Variants in STXBP5 observed in about 807,000 individuals in gnomAD.
The protein encoded by STXBP5 is syntaxin-binding protein 5.
In STXBP5, 50 loss-of-function variants were observed where a neutral mutation model predicts 152.4. The ratio of observed to expected loss-of-function variants is 0.33; its 90% CI spans 0.26 to 0.42. STXBP5 has a LOEUF of 0.42. Among genes scored for constraint, STXBP5 ranks in the 10% least tolerant of loss-of-function variants. STXBP5 has a pLI of 1.00. For synonymous variants in STXBP5, 492 were observed against 494.7 expected, an observed-to-expected ratio of 0.99 and a Z score of 0.07; for missense variants, 1,167 against 1,388.6, an observed-to-expected ratio of 0.84 and a Z score of 2.54.
At chr6:147,241,889 T>A (rs1040823913) in intron 4 of STXBP5, among the ~76,000 whole-genome samples, 1 of 152,188 alleles carries the variant, frequency 6.6e-6, no homozygotes, top group African/African-American at 2.4e-5. Flanking sequence ...ACATAATATT[T>A]GATAATGATA....
intron 6 of STXBP5, among the ~76,000 whole-genome samples, chr6:147,264,705 G>T (rs776806073): frequency 5.9e-5 from 9 of 152,076 alleles, no homozygotes; most frequent in Admixed American, 5.2e-4. Context: ...GGTTATAAAA[G>T]ATTCTAGTAG....
Position 147,204,735 on chromosome 6 carries a change from T to G in STXBP5, c.150+53T>G, listed in dbSNP as rs1263620675. ...CCGTCATTGAAAAATTGGGGTTGTT[T>G]TAAGGGGGCTACTCGGGCTTTACAT... On this transcript the variant is annotated intron_variant, in intron 1 of 27. Transcript: ENST00000321680. This position sits in a 1 kb window ranked among gnomAD's most constrained non-coding sequence, Gnocchi z 4.3. The G allele has an allele frequency of 1.3e-6, 2 of 1,504,162 alleles. No individual in the cohort carries two copies. Among genetic ancestry groups the G allele is most frequent in the Non-Finnish European group, 1.8e-6 (2 of 1,122,588 alleles). The allele number at this position is 1,504,162 out of a possible 1,614,324, so 93.2% of individuals were successfully genotyped here. A position where few individuals can be genotyped will look rare whatever the true frequency, so the allele number is the denominator to read the frequency against.
At chr6:147,272,815 G>A (rs1780241359) in intron 7 of STXBP5, among the ~76,000 whole-genome samples, 1 of 152,130 alleles carries the variant, frequency 6.6e-6, no homozygotes. Flanking sequence ...ATGGGTAGGA[G>A]TAATGGGAAC....
At chr6:147,268,905 G>A (rs1181289568) in intron 7 of STXBP5, among the ~76,000 whole-genome samples, 1 of 152,164 alleles carries the variant, frequency 6.6e-6, no homozygotes, top group Non-Finnish European at 1.5e-5. Context: ...ATGGCCTGAA[G>A]AGATTTTCCA....
intron 7 of STXBP5, among the ~76,000 whole-genome samples, chr6:147,272,795 G>C (rs1004173599): frequency 5.9e-5 from 9 of 151,960 alleles, no homozygotes; most frequent in African/African-American, 2.2e-4. Flanking sequence ...ATCTCTTGAG[G>C]GTGATTCAGA....
chr6:147,277,068 TGAG>T (rs1318500966), intron 7 of STXBP5, among the ~76,000 whole-genome samples: 2 of 152,118 alleles, frequency 1.3e-5, no homozygotes, highest in Admixed American at 1.3e-4. Context: ...CATCGTAAAT[TGAG>T]GAGCATCTGT....
intron 26 of STXBP5, among the ~76,000 whole-genome samples, chr6:147,380,688 T>C (rs1187745919): frequency 6.6e-6 from 1 of 152,034 alleles, no homozygotes; most frequent in Non-Finnish European, 1.5e-5. Context: ...TTTAAAACAT[T>C]GTGCTTCAAA....
intron 23 of STXBP5, among the ~76,000 whole-genome samples, chr6:147,361,688 C>T (rs1785074389): frequency 6.6e-6 from 1 of 152,054 alleles, no homozygotes; most frequent in Non-Finnish European, 1.5e-5. Context: ...ATACATTTAA[C>T]GGTTATTTTA....
rs189431575 is a variant in STXBP5, at chr6:147,307,342, A to G, written c.918-2742A>G. ...TAATCAAGTAAAAACTATTATCTCT[A>G]GACCTTATGACATCAAAAGACTTAC... On this transcript the variant is annotated intron_variant, in intron 9 of 27. Coordinates refer to ENST00000321680, the MANE Select transcript of STXBP5 (RefSeq NM_001127715.4). 4.3e-4 allele frequency among the ~76,000 whole-genome samples: 66 copies of G among 152,344 alleles called. 2 individuals are homozygous for G. The South Asian group carries it at 9.5e-3, about 22-fold the overall frequency.
chr6:147,243,586 T>C (rs1443540713), intron 4 of STXBP5, among the ~76,000 whole-genome samples: 1 of 152,138 alleles, frequency 6.6e-6, no homozygotes, highest in African/African-American at 2.4e-5. Flanking sequence ...TAATTAAGTT[T>C]AGCTTATTAA....
chr6:147,335,570 G>A (rs553713226), intron 19 of STXBP5, among the ~76,000 whole-genome samples: 2 of 152,286 alleles, frequency 1.3e-5, no homozygotes, highest in African/African-American at 2.4e-5. Flanking sequence ...CTTTCAAAAA[G>A]TGGATACATC....
At chr6:147,340,673 T>A (rs1784049090) in intron 21 of STXBP5, among the ~76,000 whole-genome samples, 1 of 152,120 alleles carries the variant, frequency 6.6e-6, no homozygotes, top group African/African-American at 2.4e-5. Context: ...AAAGGGACTT[T>A]GTACATAATT....
intron 11 of STXBP5, among the ~76,000 whole-genome samples, chr6:147,312,704 G>T (rs1782446491): frequency 6.6e-6 from 1 of 152,032 alleles, no homozygotes; most frequent in Non-Finnish European, 1.5e-5. Flanking sequence ...CTGATGTTTA[G>T]GCAATTCTAA....
At chr6:147,312,872 G>A (rs1311948522) in intron 11 of STXBP5, among the ~76,000 whole-genome samples, 1 of 151,842 alleles carries the variant, frequency 6.6e-6, no homozygotes, top group African/African-American at 2.4e-5. Context: ...AAATAATTGA[G>A]ACTTTTCACA....
chr6:147,207,029 A>T (rs1190643801), intron 2 of STXBP5, among the ~76,000 whole-genome samples: 1 of 152,006 alleles, frequency 6.6e-6, no homozygotes, highest in Non-Finnish European at 1.5e-5. Flanking sequence ...ATTTCAGTAG[A>T]CATTACTATT....
chr6:147,290,994 G>T, intron 8 of STXBP5, 100 bp from the exon 9 acceptor site: 2 of 832,240 alleles, frequency 2.4e-6, no homozygotes, highest in Non-Finnish European at 3.6e-6. Context: ...ATGTTTCATG[G>T]TGGATTTCAT....
intron 25 of STXBP5, among the ~76,000 whole-genome samples, chr6:147,370,476 A>G (rs1340776771): frequency 6.6e-6 from 1 of 152,134 alleles, no homozygotes; most frequent in Non-Finnish European, 1.5e-5. Flanking sequence ...CAATTAGTCA[A>G]TGGTATGTTT....
intron 25 of STXBP5, among the ~76,000 whole-genome samples, chr6:147,366,703 C>A (rs1785306090): frequency 6.6e-6 from 1 of 152,196 alleles, no homozygotes; most frequent in Non-Finnish European, 1.5e-5. Flanking sequence ...GAGCAAGATA[C>A]TTAATCACAT....
chr6:147,217,249 C>G (rs1777217656), intron 2 of STXBP5, among the ~76,000 whole-genome samples: 2 of 152,052 alleles, frequency 1.3e-5, no homozygotes, highest in Admixed American at 6.5e-5. Context: ...ATTTTTCCAT[C>G]TGTTCAGTCT....
Sources: allele counts gnomAD v4.1 joint callset (sites outside exome capture counted in the v4.1 genomes callset), GRCh38; gene constraint gnomAD v4.1.1; non-coding constraint Gnocchi (gnomAD v3.1); transcripts MANE v1.5; gene names NCBI Gene and HGNC (gene_info 2026-07-23, HGNC 2026-07-21).